KCNQ1: variants seen among roughly 807,000 people sequenced by gnomAD.
KCNQ1 encodes the protein potassium voltage-gated channel subfamily KQT member 1.
KCNQ1 carries 49 observed loss-of-function variants against 72.4 expected under a neutral mutation model. The ratio of observed to expected loss-of-function variants is 0.68; its 90% confidence interval spans 0.54 to 0.86. KCNQ1 has a LOEUF of 0.86. Among genes scored for constraint, KCNQ1 ranks in the 40% least tolerant of loss-of-function variants. The pLI, the probability that KCNQ1 is intolerant of heterozygous loss-of-function variation, is 0.00. For missense variants in KCNQ1, 790 were observed against 945.1 expected, an observed-to-expected ratio of 0.84 and a Z score of 2.15; for synonymous variants, 450 against 412.6, an observed-to-expected ratio of 1.09 and a Z score of -1.10.
intron 15 of KCNQ1, among the ~76,000 whole-genome samples, chr11:2,819,009 G>A (rs1847679033): frequency 6.6e-6 from 1 of 152,214 alleles, no homozygotes; most frequent in African/African-American, 2.4e-5. Context: ...AAAGGAGCTA[G>A]TCCTCTCCAG....
Position 2,800,755 on chromosome 11 carries a change from G to A in KCNQ1, c.1794+22718G>A, listed in dbSNP as rs151202640. Among the ~76,000 whole-genome samples, 492 of 152,308 alleles carry A rather than the reference G, an allele frequency of 3.2e-3. 3 individuals carry two copies. Among genetic ancestry groups the A allele is most frequent in the African/African-American group, 0.011 (453 of 41,556 alleles). On this transcript the variant is annotated intron_variant, in intron 15 of 15. Transcript: ENST00000155840. ...CCCTAAAATGGGGACATGCTTGCGGGGGTTCAGGAGATCCCCATTGAGCAC... is the reference window on the plus strand; with the variant it reads ...CCCTAAAATGGGGACATGCTTGCGGAGGTTCAGGAGATCCCCATTGAGCAC...
chr11:2,795,286 A>C (rs1477004948), intron 15 of KCNQ1, among the ~76,000 whole-genome samples: 1 of 152,254 alleles, frequency 6.6e-6, no homozygotes, highest in Non-Finnish European at 1.5e-5. Flanking sequence ...TGCTGCTGCC[A>C]GACCTGCAGT....
At chr11:2,742,467 G>GC (rs1846071861) in intron 11 of KCNQ1, among the ~76,000 whole-genome samples, 1 of 152,220 alleles carries the variant, frequency 6.6e-6, no homozygotes, top group African/African-American at 2.4e-5. Flanking sequence ...GTGTCTGCCT[G>GC]CCCAGCTGTG....
At chr11:2,455,120 T>C (rs368474323) in intron 1 of KCNQ1, among the ~76,000 whole-genome samples, 2 of 150,458 alleles carry the variant, frequency 1.3e-5, no homozygotes, top group Non-Finnish European at 3.0e-5. Flanking sequence ...TTTTTTGAGA[T>C]GGAGTCTCAC....
intron 15 of KCNQ1, among the ~76,000 whole-genome samples, chr11:2,799,799 G>C (rs990053744): frequency 1.3e-5 from 2 of 152,202 alleles, no homozygotes; most frequent in Admixed American, 6.5e-5. Context: ...CTTCTCAGTA[G>C]AGTTGTACAG....
intron 15 of KCNQ1, among the ~76,000 whole-genome samples, chr11:2,812,328 T>G (rs1198910225): frequency 1.3e-5 from 2 of 151,932 alleles, no homozygotes; most frequent in Non-Finnish European, 1.5e-5. Context: ...CCTCCCTCTC[T>G]GCTTCCTTCT....
chr11:2,827,319 T>C lies in KCNQ1; in HGVS notation c.1795-20448T>C, dbSNP rs369796482. 6.6e-5 allele frequency among the ~76,000 whole-genome samples: 10 copies of C among 152,122 alleles called. No homozygotes were observed. Among genetic ancestry groups the C allele is most frequent in the Non-Finnish European group, 1.5e-4 (10 of 68,016 alleles). ...CTGATGTGTGCCTGGTGAATCAGCC[T>C]GGCCCCAGACCTCCTCTCTCTGCTT... On this transcript the variant is annotated intron_variant, in intron 15 of 15. Transcript: ENST00000155840. This position sits in a 1 kb window ranked among gnomAD's most constrained non-coding sequence, Gnocchi z 6.7.
chr11:2,733,774 C>CACACACACACACACACACACACA (rs1845891956), intron 11 of KCNQ1, among the ~76,000 whole-genome samples: 4 of 57,492 alleles, frequency 7.0e-5, no homozygotes, highest in African/African-American at 2.0e-4. Flanking sequence ...TTCAGGCCTT[C>CACACACACACACACACACACACA]CACACACACA....
At position 2,664,843 on chromosome 11, in the gene KCNQ1, C is replaced by T. The variant is rs1221585004; in HGVS notation, c.1514+2762C>T. On this transcript the variant is annotated intron_variant, in intron 11 of 15. Coordinates refer to ENST00000155840, the MANE Select transcript of KCNQ1 (RefSeq NM_000218.3). This position sits in a 1 kb window ranked among gnomAD's most constrained non-coding sequence, Gnocchi z 5.1. ...ATTCTACTGATGTTAAATGTATTAC[C>T]ATGCTGGGCCAGTTCCAGAATTCAA... 5.0e-6 allele frequency: 2 copies of T among 398,520 alleles called. No individual in the cohort carries two copies. The highest frequency in any genetic ancestry group is 4.4e-6 in the Non-Finnish European group (1 of 226,074). The allele number at this position is 398,520 out of a possible 1,614,324, so 24.7% of individuals were successfully genotyped here.
intron 15 of KCNQ1, among the ~76,000 whole-genome samples, chr11:2,791,774 T>TG (rs149419928): frequency 0.12 from 16,775 of 144,546 alleles, 990 homozygotes; most frequent in East Asian, 0.21. Context: ...GGCAGGTGGA[T>TG]GCCCAGGTCC....
At chr11:2,819,625 T>C (rs577659493) in intron 15 of KCNQ1, among the ~76,000 whole-genome samples, 1 of 152,312 alleles carries the variant, frequency 6.6e-6, no homozygotes, top group South Asian at 2.1e-4. Flanking sequence ...TGAGCAGTTA[T>C]GGTGCCTGGG....
At chr11:2,561,200 CAAAAAAAA>C (rs1305352795) in intron 2 of KCNQ1, among the ~76,000 whole-genome samples, 19 of 58,856 alleles carry the variant, frequency 3.2e-4, no homozygotes, top group Non-Finnish European at 5.4e-4. Context: ...GACTCCGTCT[CAAAAAAAA>C]AAAAAAAGAA....
rs1218155906 is a variant in KCNQ1, at chr11:2,654,647, T to TGAGGGCA, written c.1394-7305_1394-7299dup. On this transcript the variant is annotated intron_variant, in intron 10 of 15. Transcript: ENST00000155840. This position sits in a 1 kb window ranked among gnomAD's most constrained non-coding sequence, Gnocchi z 6.4. ...GGCCCAGACACTGGCGAGAGTCTCT[T>TGAGGGCA]GAGGGCAGAGGGCAGCAGAGATGGG... 3 of 398,672 alleles carry TGAGGGCA rather than the reference T, an allele frequency of 7.5e-6. No homozygotes were observed. Among genetic ancestry groups the TGAGGGCA allele is most frequent in the African/African-American group, 2.1e-5 (1 of 48,584 alleles). The allele number at this position is 398,672 out of a possible 1,614,324, so 24.7% of individuals were successfully genotyped here.
rs1275439023 is a variant in KCNQ1, at chr11:2,621,295, G to A, written c.1393+32441G>A. On this transcript the variant is annotated intron_variant, in intron 10 of 15. Transcript: ENST00000155840. This position sits in a 1 kb window ranked among gnomAD's most constrained non-coding sequence, Gnocchi z 5.7. ...GCCTGGCCTCATTATTTGCATTTCTGATTATTAGTGATCATGAGAATGTTT... is the reference window on the plus strand; with the variant it reads ...GCCTGGCCTCATTATTTGCATTTCTAATTATTAGTGATCATGAGAATGTTT... 1 of 398,232 alleles carries A rather than the reference G, an allele frequency of 2.5e-6. No homozygotes were observed. The highest frequency in any genetic ancestry group is 3.6e-5 in the East Asian group (1 of 28,084). The allele number at this position is 398,232 out of a possible 1,614,324, so 24.7% of individuals were successfully genotyped here.
chr11:2,591,619 G>A (rs1190423796), intron 10 of KCNQ1, among the ~76,000 whole-genome samples: 2 of 152,236 alleles, frequency 1.3e-5, no homozygotes, highest in Non-Finnish European at 2.9e-5. Flanking sequence ...ATCGCTTGCT[G>A]CTTGCTGAAT....
intron 11 of KCNQ1, among the ~76,000 whole-genome samples, chr11:2,758,161 A>G (rs1028069814): frequency 6.6e-6 from 1 of 152,340 alleles, no homozygotes; most frequent in East Asian, 1.9e-4. Context: ...TGCAAGCCAC[A>G]TATTTGACAC....
Position 2,447,167 on chromosome 11 carries a change from G to C in KCNQ1, c.386+1683G>C, listed in dbSNP as rs1383578913. On this transcript the variant is annotated intron_variant, in intron 1 of 15. Transcript: ENST00000155840. This position sits in a 1 kb window ranked among gnomAD's most constrained non-coding sequence, Gnocchi z 7.6. ...GAGGGCTCGCCACGCCCCAGAGGAA[G>C]TCTCTGCTTGCACTTGTGTTTTCTT... 6.6e-6 allele frequency among the ~76,000 whole-genome samples: 1 copy of C among 152,206 alleles called. No individual in the cohort carries two copies. The highest frequency in any genetic ancestry group is 2.4e-5 in the African/African-American group (1 of 41,450).
chr11:2,769,973 G>C lies in KCNQ1; in HGVS notation c.1590+1054G>C, dbSNP rs1846564523. 6.6e-6 allele frequency among the ~76,000 whole-genome samples: 1 copy of C among 152,090 alleles called. No individual in the cohort carries two copies. The highest frequency in any genetic ancestry group is 2.4e-5 in the African/African-American group (1 of 41,418). ...CTGGAGCCACTGAGCTCCCTGCTAG[G>C]GTCTGGTCAGGGCTTATGGGGGCCT... On this transcript the variant is annotated intron_variant, in intron 12 of 15. Coordinates refer to ENST00000155840, the MANE Select transcript of KCNQ1 (RefSeq NM_000218.3). This position sits in a 1 kb window ranked among gnomAD's most constrained non-coding sequence, Gnocchi z 4.6.
intron 15 of KCNQ1, among the ~76,000 whole-genome samples, chr11:2,843,550 C>A (rs931771634): frequency 1.3e-5 from 2 of 152,248 alleles, no homozygotes; most frequent in African/African-American, 4.8e-5. Flanking sequence ...GGACCCCCAC[C>A]CTGGGAGCAG....
Sources: allele counts gnomAD v4.1 joint callset (sites outside exome capture counted in the v4.1 genomes callset), GRCh38; gene constraint gnomAD v4.1.1; non-coding constraint Gnocchi (gnomAD v3.1); transcripts MANE v1.5; gene names NCBI Gene and HGNC (gene_info 2026-07-23, HGNC 2026-07-21).